The following PRKCB variants were observed in gnomAD, a reference collection of about 807,000 sequenced individuals.
PRKCB encodes protein kinase C beta type.
A neutral mutation model predicts 81.5 loss-of-function variants in PRKCB; 13 were observed. That is an observed-to-expected ratio of 0.16 (90% CI 0.10 to 0.25). The LOEUF (loss-of-function observed/expected upper bound fraction) is 0.25, where lower values mean the gene tolerates loss of function less well. Among genes scored for constraint, PRKCB ranks in the 10% least tolerant of loss-of-function variants. PRKCB has a pLI of 1.00. For missense variants in PRKCB, 509 were observed against 875.7 expected (o/e 0.58, Z 5.29); for synonymous variants, 335 against 321.4 (o/e 1.04, Z -0.45).
chr16:24,091,732 T>A (rs1270916313), intron 5 of PRKCB, among the ~76,000 whole-genome samples: 1 of 152,166 alleles, frequency 6.6e-6, no homozygotes. Flanking sequence ...TGCCTGGGCC[T>A]CCCAAGTAGG....
intron 2 of PRKCB, among the ~76,000 whole-genome samples, chr16:23,844,798 C>T (rs959780018): frequency 4.6e-5 from 7 of 151,854 alleles, no homozygotes; most frequent in East Asian, 1.9e-4. Flanking sequence ...TGAGCCACCG[C>T]GCCCAGTCTC....
At position 24,094,178 on chromosome 16, in the gene PRKCB, G is replaced by A. The variant is rs114093019; in HGVS notation, c.702G>A (p.Ser234=). The A allele has an allele frequency of 3.3e-4, 532 of 1,613,744 alleles. 2 individuals are homozygous for A. The African/African-American group carries it at 6.3e-3, about 19-fold the overall frequency. ...CTCTATGCAGTCAGCTGAAAGAATC[G>A]GACAAAGACAGAAGACTGTCAGTAG... is the stretch of plus-strand genomic sequence containing the variant. ...NETFRFQLKE[S]DKDRRLSVEI... The change falls in exon 7 of 17, where the codon TCG becomes TCA. Residue 234 remains serine, a synonymous_variant. Transcript: ENST00000643927.
chr16:23,970,026 A>C (rs1279723455), intron 2 of PRKCB, among the ~76,000 whole-genome samples: 1 of 152,190 alleles, frequency 6.6e-6, no homozygotes, highest in East Asian at 1.9e-4. Flanking sequence ...TCCTTTCTAC[A>C]TCATGTCAAT....
chr16:23,853,898 G>C (rs993341327), intron 2 of PRKCB, among the ~76,000 whole-genome samples: 10 of 149,994 alleles, frequency 6.7e-5, no homozygotes, highest in Admixed American at 6.7e-5. Flanking sequence ...AAAGGAAAGA[G>C]GTTTAATTGA....
chr16:23,883,848 A>G (rs757578205), intron 2 of PRKCB, among the ~76,000 whole-genome samples: 3 of 152,206 alleles, frequency 2.0e-5, no homozygotes, highest in Non-Finnish European at 4.4e-5. Context: ...GAAATATAAC[A>G]TGAGCCATAA....
At position 23,837,096 on chromosome 16, in the gene PRKCB, C is replaced by A. The variant is rs533154261; in HGVS notation, c.174-279C>A. On this transcript the variant is annotated intron_variant, in intron 1 of 16. Transcript: ENST00000643927. ...TCGGGGCATCTATGGGTACATCTGT[C>A]GCCTGCCTTCAGCCCCTACCCCGAC... is the stretch of plus-strand genomic sequence containing the variant. 2.8e-4 allele frequency: 148 copies of A among 522,218 alleles called. 2 individuals carry two copies. The South Asian group carries it at 3.0e-3, about 11-fold the overall frequency. The allele number at this position is 522,218 out of a possible 1,614,324, so 32.3% of individuals were successfully genotyped here. A position where few individuals can be genotyped will look rare whatever the true frequency, so the allele number is the denominator to read the frequency against.
chr16:23,871,270 G>T (rs1962899019), intron 2 of PRKCB, among the ~76,000 whole-genome samples: 2 of 152,302 alleles, frequency 1.3e-5, no homozygotes, highest in South Asian at 4.1e-4. Context: ...TCCTTCACCA[G>T]CCTGTCAGTT....
intron 3 of PRKCB, among the ~76,000 whole-genome samples, chr16:24,029,963 A>T (rs888550721): frequency 6.6e-6 from 1 of 152,090 alleles, no homozygotes; most frequent in South Asian, 2.1e-4. Context: ...CAGTGATGCA[A>T]TCATAGCTCA....
chr16:24,194,343 CAA>C (rs996250742), intron 16 of PRKCB, among the ~76,000 whole-genome samples: 1 of 150,430 alleles, frequency 6.6e-6, no homozygotes, highest in South Asian at 2.1e-4. Flanking sequence ...AACAAACAAA[CAA>C]AAAAACAAAA....
intron 3 of PRKCB, among the ~76,000 whole-genome samples, chr16:24,029,916 A>G (rs531726653): frequency 2.0e-5 from 3 of 152,130 alleles, no homozygotes; most frequent in African/African-American, 7.2e-5. Flanking sequence ...TTTTTTTAAG[A>G]GAGAGAGGGT....
chr16:23,915,705 A>AG, intron 2 of PRKCB, among the ~76,000 whole-genome samples: 1 of 150,834 alleles, frequency 6.6e-6, no homozygotes, highest in East Asian at 1.9e-4. Context: ...AAAAAAAAAA[A>AG]AAAAAAAGCA....
intron 2 of PRKCB, among the ~76,000 whole-genome samples, chr16:23,855,558 T>G (rs1350468767): frequency 6.6e-6 from 1 of 152,244 alleles, no homozygotes; most frequent in Non-Finnish European, 1.5e-5. Flanking sequence ...CCTAAAGACC[T>G]CATCTTTATT....
At chr16:23,859,730 C>T (rs569156455) in intron 2 of PRKCB, among the ~76,000 whole-genome samples, 3 of 151,984 alleles carry the variant, frequency 2.0e-5, no homozygotes, top group East Asian at 1.9e-4. Flanking sequence ...TTGAAGTACC[C>T]GGGGATGTTT....
intron 2 of PRKCB, among the ~76,000 whole-genome samples, chr16:23,959,742 C>T (rs1964399019): frequency 6.6e-6 from 1 of 152,190 alleles, no homozygotes; most frequent in Non-Finnish European, 1.5e-5. Context: ...AATCACTCCC[C>T]CAGAAGGTCA....
chr16:24,163,792 C>G (rs1967301055), intron 10 of PRKCB, among the ~76,000 whole-genome samples: 1 of 152,184 alleles, frequency 6.6e-6, no homozygotes, highest in African/African-American at 2.4e-5. Flanking sequence ...TGGCAACACC[C>G]CTATGAAGAA....
chr16:24,160,030 T>TAC (rs1407098848), intron 10 of PRKCB, among the ~76,000 whole-genome samples: 1 of 152,004 alleles, frequency 6.6e-6, no homozygotes, highest in Admixed American at 6.6e-5. Context: ...TTTTCACTCT[T>TAC]ACGATCACAT....
At chr16:24,037,862 A>T (rs1596523397) in intron 5 of PRKCB, among the ~76,000 whole-genome samples, 1 of 78,894 alleles carries the variant, frequency 1.3e-5, no homozygotes, top group Non-Finnish European at 3.0e-5. Flanking sequence ...CAAGACGTTT[A>T]AAAAAAAAAA....
intron 3 of PRKCB, among the ~76,000 whole-genome samples, chr16:24,028,835 G>A (rs990008271): frequency 6.6e-6 from 1 of 152,012 alleles, no homozygotes; most frequent in African/African-American, 2.4e-5. Context: ...CTGTCACCCA[G>A]GCTGGAGTGC....
At chr16:23,982,103 TTCCC>T (rs1964735668) in intron 2 of PRKCB, among the ~76,000 whole-genome samples, 1 of 58,586 alleles carries the variant, frequency 1.7e-5, no homozygotes. Context: ...TCCTTTTCCC[TTCCC>T]TTCCCTTTCC....
Sources: allele counts gnomAD v4.1 joint callset (sites outside exome capture counted in the v4.1 genomes callset), GRCh38; gene constraint gnomAD v4.1.1; transcripts MANE v1.5; gene names NCBI Gene and HGNC (gene_info 2026-07-23, HGNC 2026-07-21).